The following SLC25A48 variants were observed in gnomAD, a reference collection of about 807,000 sequenced individuals.
SLC25A48 encodes the protein solute carrier family 25 member 48.
In SLC25A48, 29 loss-of-function variants were observed where a neutral mutation model predicts 32.2. The observed-to-expected ratio is 0.90, with a 90% CI of 0.67 to 1.23. The LOEUF is 1.23. Ranked by LOEUF, SLC25A48 falls within the 50% of genes most tolerant of loss-of-function variation. The pLI is 0.00. For missense variants in SLC25A48, 399 were observed against 422.7 expected (o/e 0.94, Z 0.49); for synonymous variants, 164 against 172.3 (o/e 0.95, Z 0.38).
intron 7 of SLC25A48, among the ~76,000 whole-genome samples, chr5:135,882,222 G>T (rs1436167309): frequency 2.0e-5 from 3 of 152,266 alleles, no homozygotes; most frequent in African/African-American, 7.2e-5. Flanking sequence ...GAGGTTCCCA[G>T]CCACTGGTCT....
In SLC25A48 at chr5:135,780,634, G is replaced by T. The variant is rs1285467269; in HGVS notation, c.-520-31889G>T. Among the ~76,000 whole-genome samples, 6 of 114,208 alleles carry T rather than the reference G, an allele frequency of 5.3e-5. 3 individuals carry two copies. Among genetic ancestry groups the T allele is most frequent in the Admixed American group, 1.8e-4 (2 of 11,182 alleles). The allele number at this position is 114,208 out of a possible 152,430, so 74.9% of individuals were successfully genotyped here. A position where few individuals can be genotyped will look rare whatever the true frequency, so the allele number is the denominator to read the frequency against. On this transcript the variant is annotated intron_variant, in intron 3 of 10. Transcript: ENST00000646290. The stretch of plus-strand genomic sequence containing the variant: ...TCTGTGATATTGTTTCTAATATTTT[G>T]GGGGGGGAGGAGATGATATTATTCC...
intron 3 of SLC25A48, among the ~76,000 whole-genome samples, chr5:135,685,428 G>A (rs929909085): frequency 7.2e-6 from 1 of 138,850 alleles, no homozygotes; most frequent in Admixed American, 8.0e-5. Flanking sequence ...TTAGATGTAA[G>A]GACTTTTTTT....
chr5:135,794,718 C>CAG (rs1302891966), intron 3 of SLC25A48, among the ~76,000 whole-genome samples: 42 of 151,372 alleles, frequency 2.8e-4, no homozygotes, highest in African/African-American at 9.7e-4. Flanking sequence ...TAAAATATCA[C>CAG]AGGGCGTATA....
chr5:135,797,626 A>G (rs1435345706), intron 3 of SLC25A48, among the ~76,000 whole-genome samples: 3 of 151,868 alleles, frequency 2.0e-5, no homozygotes, highest in African/African-American at 7.3e-5. Flanking sequence ...GACTTCCAGT[A>G]TCACAGGGAG....
At chr5:135,674,458 C>G (rs2126944801) in intron 3 of SLC25A48, among the ~76,000 whole-genome samples, 1 of 152,172 alleles carries the variant, frequency 6.6e-6, no homozygotes, top group East Asian at 1.9e-4. Flanking sequence ...TTCTCAGACT[C>G]TGGTATCTAT....
Position 135,874,174 on chromosome 5 carries a change from G to A in SLC25A48, c.813+20G>A, listed in dbSNP as rs1463139615. 2.8e-6 allele frequency: 4 copies of A among 1,430,144 alleles called. No homozygotes were observed. In the East Asian group the frequency reaches 1.1e-4, roughly 38 times the overall value. The allele number at this position is 1,430,144 out of a possible 1,614,324, so 88.6% of individuals were successfully genotyped here. On this transcript the variant is annotated intron_variant, in intron 6 of 7. Transcript: ENST00000681962. Reference sequence around the variant, plus strand: ...CTTAAAGTAAGCCCACAGCAGGCCTGCGGGGTCAGTGTCAGTCCCTGGAAG... The same window carrying A: ...CTTAAAGTAAGCCCACAGCAGGCCTACGGGGTCAGTGTCAGTCCCTGGAAG...
intron 3 of SLC25A48, among the ~76,000 whole-genome samples, chr5:135,687,873 CT>C (rs35564351): frequency 6.6e-6 from 1 of 152,166 alleles, no homozygotes; most frequent in Admixed American, 6.5e-5. Context: ...TTTCTGGGGT[CT>C]TTTTTCCCAA....
chr5:135,789,492 G>A (rs1164695368), intron 3 of SLC25A48, among the ~76,000 whole-genome samples: 2 of 150,866 alleles, frequency 1.3e-5, no homozygotes, highest in Middle Eastern at 3.2e-3. Context: ...GTGTACAACC[G>A]CCTGCGGAAT....
chr5:135,790,968 C>T (rs1757013365), intron 3 of SLC25A48, among the ~76,000 whole-genome samples: 1 of 135,040 alleles, frequency 7.4e-6, no homozygotes. Context: ...TGTGTGAATA[C>T]CCTTTGATAT....
At chr5:135,795,938 G>A (rs1268647950) in intron 3 of SLC25A48, among the ~76,000 whole-genome samples, 2 of 144,206 alleles carry the variant, frequency 1.4e-5, no homozygotes, top group Non-Finnish European at 3.0e-5. Context: ...TATCGTGGGG[G>A]GTGTACACCC....
At chr5:135,826,777 G>A (rs1561512368) in intron 4 of SLC25A48, 1 of 152,318 alleles carries the variant, frequency 6.6e-6, no homozygotes, top group East Asian at 1.9e-4. Context: ...GAACTGTGGA[G>A]CTGGGATTCA....
chr5:135,612,911 A>G (rs1752105135), intron 1 of SLC25A48, among the ~76,000 whole-genome samples: 1 of 152,278 alleles, frequency 6.6e-6, no homozygotes, highest in Non-Finnish European at 1.5e-5. Context: ...TGATATACTG[A>G]TTTCTTTTCC....
At chr5:135,656,241 G>GA (rs1334832016) in intron 3 of SLC25A48, among the ~76,000 whole-genome samples, 1 of 152,108 alleles carries the variant, frequency 6.6e-6, no homozygotes, top group African/African-American at 2.4e-5. Flanking sequence ...CCTGGGTTGT[G>GA]AAAGTTCTCA....
At chr5:135,668,165 T>C (rs766511295) in intron 3 of SLC25A48, among the ~76,000 whole-genome samples, 28 of 152,214 alleles carry the variant, frequency 1.8e-4, no homozygotes, top group Non-Finnish European at 3.7e-4. Flanking sequence ...CCTAATCTGG[T>C]GTTTAAAATC....
intron 3 of SLC25A48, among the ~76,000 whole-genome samples, chr5:135,791,400 T>C (rs1333980223): frequency 6.6e-6 from 1 of 151,848 alleles, no homozygotes; most frequent in Admixed American, 6.6e-5. Flanking sequence ...GTAAACCCTG[T>C]GATATTTATC....
intron 3 of SLC25A48, among the ~76,000 whole-genome samples, chr5:135,687,050 C>T (rs1385944481): frequency 6.6e-6 from 1 of 151,930 alleles, no homozygotes; most frequent in East Asian, 1.9e-4. Flanking sequence ...CATTAAGTGG[C>T]TTATTGGCTT....
intron 3 of SLC25A48, among the ~76,000 whole-genome samples, chr5:135,776,404 C>T (rs752903742): frequency 6.6e-6 from 1 of 151,716 alleles, no homozygotes; most frequent in Non-Finnish European, 1.5e-5. Flanking sequence ...TACACACCTT[C>T]TGTGATATTG....
intron 3 of SLC25A48, among the ~76,000 whole-genome samples, chr5:135,736,655 C>CA (rs1381977058): frequency 6.6e-6 from 1 of 152,000 alleles, no homozygotes; most frequent in Non-Finnish European, 1.5e-5. Flanking sequence ...GGTGAAGGAC[C>CA]AAGGCAGGCA....
chr5:135,698,142 G>C (rs1754310413), intron 3 of SLC25A48, among the ~76,000 whole-genome samples: 1 of 152,220 alleles, frequency 6.6e-6, no homozygotes, highest in Non-Finnish European at 1.5e-5. Flanking sequence ...CTAACAACCA[G>C]CTGGGCTTCA....
Sources: allele counts gnomAD v4.1 joint callset (sites outside exome capture counted in the v4.1 genomes callset), GRCh38; gene constraint gnomAD v4.1.1; transcripts MANE v1.5; gene names NCBI Gene and HGNC (gene_info 2026-07-23, HGNC 2026-07-21).